CIRSR: variants seen among roughly 807,000 people sequenced by gnomAD.
The protein encoded by CIRSR is corepressor of RBPJ and splicing regulator.
chr2:174,377,796 G>A, the CIRSR span, among the ~76,000 whole-genome samples: 1 of 132,292 alleles, frequency 7.6e-6, no homozygotes, highest in Non-Finnish European at 1.5e-5. Context: ...CTGCACTCCA[G>A]CCTGGGCAAC....
At chr2:174,385,675 C>T in the CIRSR span, among the ~76,000 whole-genome samples, 1 of 151,420 alleles carries the variant, frequency 6.6e-6, no homozygotes, top group African/African-American at 2.4e-5. Context: ...GATATACGAG[C>T]CAATCTAACA....
At chr2:174,349,932 T>A in the CIRSR span, among the ~76,000 whole-genome samples, 3 of 152,200 alleles carry the variant, frequency 2.0e-5, no homozygotes, top group Non-Finnish European at 4.4e-5. Context: ...TTCAAGAGAA[T>A]ATTCTCCAGA....
At chr2:174,373,236 C>T in the CIRSR span, among the ~76,000 whole-genome samples, 1,338 of 152,214 alleles carry the variant, frequency 8.8e-3, 16 homozygotes, top group African/African-American at 0.031. Flanking sequence ...AGTATTTGTT[C>T]TCAAACCATG....
the CIRSR span, among the ~76,000 whole-genome samples, chr2:174,370,527 A>T: frequency 1.3e-5 from 2 of 152,234 alleles, no homozygotes; most frequent in Admixed American, 1.3e-4. Context: ...ATAGGTACCT[A>T]TACACAAATT....
At chr2:174,361,947 C>G in the CIRSR span, among the ~76,000 whole-genome samples, 1 of 152,060 alleles carries the variant, frequency 6.6e-6, no homozygotes, top group South Asian at 2.1e-4. Flanking sequence ...ATGAAATTTA[C>G]CATATTATCC....
At chr2:174,380,139 C>T in the CIRSR span, 4 of 1,160,316 alleles carry the variant, frequency 3.4e-6, no homozygotes, top group African/African-American at 4.7e-5. Flanking sequence ...TTTTAGACAA[C>T]AATATAAAGA....
chr2:174,379,746 T>C, the CIRSR span, among the ~76,000 whole-genome samples: 1 of 128,644 alleles, frequency 7.8e-6, no homozygotes. Flanking sequence ...TTTTTTGAGA[T>C]GGAGTCTCGC....
the CIRSR span, chr2:174,380,546 C>A: frequency 1.0e-6 from 1 of 1,004,390 alleles, no homozygotes; most frequent in Non-Finnish European, 1.5e-6. Flanking sequence ...TAACTTTTCA[C>A]ATCAGTTGCC....
chr2:174,362,686 CAAAAAAAAA>C, the CIRSR span, among the ~76,000 whole-genome samples: 4 of 20,654 alleles, frequency 1.9e-4, no homozygotes, highest in Non-Finnish European at 2.7e-4. Flanking sequence ...GACTCTGCCT[CAAAAAAAAA>C]AAAAAAAAAA....
the CIRSR span, among the ~76,000 whole-genome samples, chr2:174,360,637 T>C: frequency 4.6e-5 from 7 of 152,168 alleles, no homozygotes; most frequent in Non-Finnish European, 8.8e-5. Context: ...ATGACTGTGA[T>C]TGGAGAATCA....
the CIRSR span, among the ~76,000 whole-genome samples, chr2:174,389,593 C>G: frequency 6.6e-6 from 1 of 152,262 alleles, no homozygotes; most frequent in African/African-American, 2.4e-5. Context: ...GGGAGAAATT[C>G]AAGCCGGCTG....
chr2:174,379,714 GTCT>G, the CIRSR span, among the ~76,000 whole-genome samples: 1 of 125,076 alleles, frequency 8.0e-6, no homozygotes, highest in South Asian at 2.7e-4. Context: ...TTTGATTCCT[GTCT>G]TTTTTTTTTT....
At chr2:174,348,450 T>A in the CIRSR span, 1 of 1,535,662 alleles carries the variant, frequency 6.5e-7, no homozygotes. Context: ...GAGATATTTT[T>A]ATTCCCAGGT....
chr2:174,369,895 T>C, the CIRSR span: 4 of 1,269,448 alleles, frequency 3.2e-6, no homozygotes, highest in African/African-American at 1.5e-5. Flanking sequence ...GTTTGAATTA[T>C]TGCAATAATT....
At chr2:174,369,364 T>C in the CIRSR span, among the ~76,000 whole-genome samples, 3 of 152,364 alleles carry the variant, frequency 2.0e-5, no homozygotes, top group Admixed American at 6.5e-5. Context: ...TAAGGGAATG[T>C]TGTGGATGGT....
the CIRSR span, among the ~76,000 whole-genome samples, chr2:174,385,078 G>A: frequency 6.6e-6 from 1 of 151,986 alleles, no homozygotes; most frequent in Non-Finnish European, 1.5e-5. Flanking sequence ...AGCTGGGTGT[G>A]GTGGTGTGTG....
the CIRSR span, among the ~76,000 whole-genome samples, chr2:174,349,842 A>C: frequency 6.6e-6 from 1 of 152,066 alleles, no homozygotes; most frequent in Non-Finnish European, 1.5e-5. Flanking sequence ...TAAAAAAGCA[A>C]ATATATAGCT....
At chr2:174,362,686 CAAAAAAAAAAAAAA>C in the CIRSR span, among the ~76,000 whole-genome samples, 4 of 20,654 alleles carry the variant, frequency 1.9e-4, no homozygotes, top group Non-Finnish European at 5.4e-4. Context: ...GACTCTGCCT[CAAAAAAAAAAAAAA>C]AAAAAAAAAA....
At chr2:174,373,325 G>A in the CIRSR span, among the ~76,000 whole-genome samples, 2 of 152,196 alleles carry the variant, frequency 1.3e-5, no homozygotes, top group African/African-American at 4.8e-5. Flanking sequence ...AATTAATTCA[G>A]TCGGCTAGTT....
Sources: allele counts gnomAD v4.1 joint callset (sites outside exome capture counted in the v4.1 genomes callset), GRCh38; gene constraint gnomAD v4.1.1; transcripts MANE v1.5; gene names NCBI Gene and HGNC (gene_info 2026-07-23, HGNC 2026-07-21).